The following HMCN1 variants were observed in gnomAD, a reference collection of about 807,000 sequenced individuals.
HMCN1 encodes hemicentin 1, also known as hemicentin-1.
In HMCN1, 321 loss-of-function variants were observed where a neutral mutation model predicts 625.9. That is an observed-to-expected ratio of 0.51 (90% CI 0.47 to 0.56). The LOEUF is 0.56. Among genes scored for constraint, HMCN1 ranks in the 20% least tolerant of loss-of-function variants. The pLI, the probability that HMCN1 is intolerant of heterozygous loss-of-function variation, is 0.00. For missense variants in HMCN1, 6,588 were observed against 6,887.3 expected (o/e 0.96, Z 1.54); for synonymous variants, 2,425 against 2,417.6 (o/e 1.00, Z -0.09).
intron 105 of HMCN1, among the ~76,000 whole-genome samples, chr1:186,187,154 G>A (rs1653380351): frequency 6.6e-6 from 1 of 152,076 alleles, no homozygotes; most frequent in South Asian, 2.1e-4. Flanking sequence ...TTAACTTAGT[G>A]TAGAAAACAA....
At position 186,178,560 on chromosome 1, in the gene HMCN1, A is replaced by C; in HGVS notation, c.16088A>C (p.Tyr5363Ser). ...SCAGLERLPN[Y>S]GTQYSSYNLA... ...GCTGGATTGGAGAGGCTGCCAAATT[A>C]TGGCACTCAATACAGTAGCTATAAC... is the stretch of plus-strand genomic sequence containing the variant. The change falls in exon 104 of 107, where the codon TAT becomes TCT. Residue 5363 changes from tyrosine to serine, a missense_variant. Physicochemically the swap from Tyr to Ser is moderately radical, Grantham distance 144. Transcript: ENST00000271588. 1 of 1,614,100 alleles carries C rather than the reference A, an allele frequency of 6.2e-7. No individual in the cohort carries two copies. The highest frequency in any genetic ancestry group is 1.1e-5 in the South Asian group (1 of 91,078).
At chr1:186,107,478 G>A (rs1436804132) in intron 70 of HMCN1, among the ~76,000 whole-genome samples, 1 of 152,064 alleles carries the variant, frequency 6.6e-6, no homozygotes, top group East Asian at 1.9e-4. Context: ...TAAATGTTTT[G>A]TCACAAAAAT....
chr1:185,975,167 G>C (rs1249357537), intron 15 of HMCN1, among the ~76,000 whole-genome samples: 1 of 152,126 alleles, frequency 6.6e-6, no homozygotes, highest in African/African-American at 2.4e-5. Flanking sequence ...ATCTGCTTTA[G>C]AATAAATGAT....
At chr1:186,141,263 G>A (rs1376407087) in intron 89 of HMCN1, among the ~76,000 whole-genome samples, 3 of 152,104 alleles carry the variant, frequency 2.0e-5, no homozygotes, top group Non-Finnish European at 4.4e-5. Context: ...CTTGCCAAGC[G>A]ATCCGTGGCC....
intron 22 of HMCN1, among the ~76,000 whole-genome samples, chr1:185,992,678 G>A (rs573889583): frequency 6.6e-6 from 1 of 152,136 alleles, no homozygotes; most frequent in South Asian, 2.1e-4. Flanking sequence ...AAGAAATCTT[G>A]GTACTAGGTA....
Position 185,922,420 on chromosome 1 carries a change from C to T in HMCN1, c.942C>T (p.Leu314=). Residue 314 remains leucine (L), a synonymous_variant, in exon 7 of 107, where the codon CTC becomes CTT. Transcript: ENST00000271588. Reference sequence around the variant, plus strand: ...GGCACTCTGTTCGCATTACTGGCCTCAGTACTATTGATTTCCGAGCTGGCT... The same window carrying T: ...GGCACTCTGTTCGCATTACTGGCCTTAGTACTATTGATTTCCGAGCTGGCT... ...SGRHSVRITG[L]STIDFRAGFS... The T allele has an allele frequency of 4.3e-6, 7 of 1,613,728 alleles. No homozygotes were observed. The highest frequency in any genetic ancestry group is 1.7e-5 in the Admixed American group (1 of 59,980).
rs1356246531 is a variant in HMCN1, at chr1:186,114,005, C to A, written c.11158C>A (p.Gln3720Lys). The change falls in exon 73 of 107, where the codon CAG becomes AAG. Residue 3720 changes from glutamine (Q) to lysine (K), a missense_variant. Around this residue, in one of 3 missense-constraint regions of HMCN1, gnomAD observed 4,628 missense variants for 4,853.1 expected, o/e 0.95. Transcript: ENST00000271588. ...TCCTCCAAACATAAAGGGGGGCCCC[C>A]AGAGCCTTGTAATTCTTTTAAATAA... is the stretch of plus-strand genomic sequence containing the variant. Reference protein sequence around the residue: ...NVPPNIKGGPQSLVILLNKST... With the variant: ...NVPPNIKGGPKSLVILLNKST... 1 of 1,614,142 alleles carries A rather than the reference C, an allele frequency of 6.2e-7. No individual in the cohort carries two copies. Among genetic ancestry groups the A allele is most frequent in the Non-Finnish European group, 8.5e-7 (1 of 1,180,018 alleles).
intron 4 of HMCN1, among the ~76,000 whole-genome samples, chr1:185,869,717 G>A (rs1411110892): frequency 6.6e-6 from 1 of 152,018 alleles, no homozygotes; most frequent in Non-Finnish European, 1.5e-5. Flanking sequence ...AAAATTTTTG[G>A]CATGTAATTT....
chr1:185,803,188 C>CAAAAAAAAAAAAAAAAACAAAA (rs1245942461), intron 1 of HMCN1, among the ~76,000 whole-genome samples: 1 of 33,814 alleles, frequency 3.0e-5, no homozygotes, highest in Non-Finnish European at 1.1e-4. Flanking sequence ...TTAGCAGAAC[C>CAAAAAAAAAAAAAAAAACAAAA]AAAAAAAAAA....
chr1:186,057,085 C>A, intron 45 of HMCN1, 149 bp from the exon 46 acceptor site: 1 of 646,892 alleles, frequency 1.5e-6, no homozygotes. Flanking sequence ...GTTGTGATTG[C>A]TTATTTTGCT....
intron 26 of HMCN1, among the ~76,000 whole-genome samples, chr1:186,000,681 A>G (rs1653134162): frequency 6.6e-6 from 1 of 151,912 alleles, no homozygotes; most frequent in Non-Finnish European, 1.5e-5. Flanking sequence ...TACACATATA[A>G]TAGAACATTA....
At chr1:185,914,191 T>C (rs1666577312) in intron 6 of HMCN1, among the ~76,000 whole-genome samples, 1 of 152,156 alleles carries the variant, frequency 6.6e-6, no homozygotes, top group Non-Finnish European at 1.5e-5. Context: ...ATGTATCAGG[T>C]TGTTACAAAG....
rs1240739375 is a variant in HMCN1 at position 185,911,780 on chromosome 1, G to A, written c.900G>A (p.Lys300=). Residue 300 remains lysine, a splice_region_variant and synonymous_variant, in exon 6 of 107, where the codon AAG becomes AAA. Transcript: ENST00000271588. ...KEPEAGMWTV[K]TSSSGRHSVR... Reference sequence around the variant, plus strand: ...CAGAGGCTGGAATGTGGACAGTGAAGGTACGGTTGTTTCACAAAGTTTGTT... The same window carrying A: ...CAGAGGCTGGAATGTGGACAGTGAAAGTACGGTTGTTTCACAAAGTTTGTT... 1.2e-6 allele frequency: 2 copies of A among 1,602,022 alleles called. No homozygotes were observed. The highest frequency in any genetic ancestry group is 1.7e-5 in the Admixed American group (1 of 59,944).
chr1:186,088,401 C>A, intron 62 of HMCN1, 125 bp downstream of exon 62: 1 of 1,460,726 alleles, frequency 6.8e-7, no homozygotes, highest in Admixed American at 1.8e-5. Flanking sequence ...AGAAGGCTAA[C>A]GCACTGAAAT....
At chr1:185,851,078 T>G (rs964991175) in intron 2 of HMCN1, among the ~76,000 whole-genome samples, 2 of 152,194 alleles carry the variant, frequency 1.3e-5, no homozygotes, top group African/African-American at 2.4e-5. Context: ...ACTTTATTAT[T>G]TCATTAATCA....
rs1659802175 is a variant in HMCN1, at chr1:186,090,875, A to G, written c.9845A>G (p.Lys3282Arg). 1 of 1,612,318 alleles carries G rather than the reference A, an allele frequency of 6.2e-7. No individual in the cohort carries two copies. The highest frequency in any genetic ancestry group is 1.7e-5 in the Admixed American group (1 of 59,806). The change falls in exon 64 of 107, where the codon AAA becomes AGA. Residue 3282 changes from lysine to arginine, a missense_variant. Physicochemically the swap from Lys to Arg is conservative, Grantham distance 26 (BLOSUM62 2). This residue lies in a region of HMCN1 where 4,628 missense variants were observed against 4,853.1 expected (regional missense o/e 0.95). Transcript: ENST00000271588. ...GIPTPLIQWL[K>R]DGKPIASGET... ...CCTACTCCACTTATTCAATGGCTTA[A>G]AGATGGAAAGCCCATAGCTAGTGGT...
At chr1:185,954,832 G>A (rs375112277) in intron 11 of HMCN1, among the ~76,000 whole-genome samples, 1 of 151,914 alleles carries the variant, frequency 6.6e-6, no homozygotes, top group East Asian at 1.9e-4. Context: ...TTTAAAAATG[G>A]AATTTCTTAT....
Position 185,815,935 on chromosome 1 carries a change from C to A in HMCN1, c.269-30091C>A, listed in dbSNP as rs986508008. Among the ~76,000 whole-genome samples, 13 of 149,810 alleles carry A rather than the reference C, an allele frequency of 8.7e-5. 1 individual carries two copies. The highest frequency in any genetic ancestry group is 4.6e-4 in the Admixed American group (7 of 15,182). On this transcript the variant is annotated intron_variant, in intron 1 of 106. Transcript: ENST00000271588. ...TGTTTCTCTTTAGCAATATTGTACC[C>A]CATGAGCAATACTGCTACCCACTTA...
chr1:186,084,595 A>G (rs1571327405), intron 57 of HMCN1, among the ~76,000 whole-genome samples: 1 of 151,970 alleles, frequency 6.6e-6, no homozygotes, highest in Admixed American at 6.6e-5. Flanking sequence ...GTCTGTTGGC[A>G]TCTTAGGTTT....
Sources: gnomAD v4.1 joint callset for allele counts (sites outside exome capture counted in the v4.1 genomes callset) on GRCh38, gnomAD v4.1.1 for gene constraint, gnomAD v4.1.1 regional missense constraint, MANE v1.5 for transcripts, NCBI Gene and HGNC (gene_info 2026-07-23, HGNC 2026-07-21) for gene names.